SOX6: variants seen among roughly 807,000 people sequenced by gnomAD.
SOX6 encodes the protein SRY-box transcription factor 6.
A neutral mutation model predicts 97.8 loss-of-function variants in SOX6; 11 were observed. That is an observed-to-expected ratio of 0.11 (90% CI 0.07 to 0.19). The LOEUF is 0.19. Among genes scored for constraint, SOX6 ranks in the 10% least tolerant of loss-of-function variants. The pLI is 1.00. For synonymous variants in SOX6, 360 were observed against 371.4 expected (o/e 0.97, Z 0.35); for missense variants, 810 against 1,039.5 (o/e 0.78, Z 3.04).
chr11:16,266,717 G>C (rs950489368), intron 3 of SOX6, among the ~76,000 whole-genome samples: 7 of 151,384 alleles, frequency 4.6e-5, no homozygotes, highest in South Asian at 2.1e-4. Context: ...CTTGAAGGTG[G>C]ACTGTAAGTT....
intron 6 of SOX6, among the ~76,000 whole-genome samples, chr11:16,173,690 A>G (rs1851102653): frequency 6.6e-6 from 1 of 151,208 alleles, no homozygotes; most frequent in South Asian, 2.1e-4. Flanking sequence ...AAGAAAAATT[A>G]CTAGAAAAGA....
chr11:16,373,913 A>C (rs1335648028), intron 1 of SOX6, among the ~76,000 whole-genome samples: 1 of 119,436 alleles, frequency 8.4e-6, no homozygotes, highest in Admixed American at 9.2e-5. Flanking sequence ...GGGAGGGAGA[A>C]GGGGAAGGGA....
chr11:16,332,861 TA>T (rs1856349146), intron 2 of SOX6, among the ~76,000 whole-genome samples: 1 of 152,342 alleles, frequency 6.6e-6, no homozygotes, highest in South Asian at 2.1e-4. Context: ...GCTCTTCTTT[TA>T]AAAGGTTATG....
chr11:16,012,925 G>T (rs186409851), intron 13 of SOX6, among the ~76,000 whole-genome samples: 7 of 152,054 alleles, frequency 4.6e-5, no homozygotes, highest in East Asian at 3.9e-4. Context: ...CAGGGAAATT[G>T]GTTTCAATCT....
At chr11:16,447,629 A>G (rs1208368370) in intron 1 of SOX6, among the ~76,000 whole-genome samples, 2 of 152,148 alleles carry the variant, frequency 1.3e-5, no homozygotes, top group East Asian at 3.8e-4. Context: ...TATCTTCCTA[A>G]TGATTTTATT....
intron 4 of SOX6, among the ~76,000 whole-genome samples, chr11:16,232,121 T>C (rs958072411): frequency 6.6e-6 from 1 of 151,872 alleles, no homozygotes; most frequent in Non-Finnish European, 1.5e-5. Flanking sequence ...CCCATGATTG[T>C]ATGTATTCCT....
chr11:16,037,839 G>C (rs574903919), intron 12 of SOX6, among the ~76,000 whole-genome samples: 4 of 152,174 alleles, frequency 2.6e-5, no homozygotes, highest in Middle Eastern at 3.4e-3. Flanking sequence ...ACCTACAATG[G>C]CTGGCAATTA....
At chr11:16,241,953 T>C (rs1853207716) in intron 3 of SOX6, among the ~76,000 whole-genome samples, 1 of 152,086 alleles carries the variant, frequency 6.6e-6, no homozygotes, top group Non-Finnish European at 1.5e-5. Context: ...CTTTTGGTAA[T>C]GTAAGCCAAT....
chr11:16,682,180 T>C (rs1259434418), intron 3 of SOX6, among the ~76,000 whole-genome samples: 1 of 152,172 alleles, frequency 6.6e-6, no homozygotes, highest in Non-Finnish European at 1.5e-5. Context: ...TTTAGGCCAA[T>C]ATCCCTGATG....
chr11:16,413,200 CA>C (rs1164326300), intron 1 of SOX6, among the ~76,000 whole-genome samples: 34 of 152,086 alleles, frequency 2.2e-4, no homozygotes, highest in African/African-American at 7.2e-4. Flanking sequence ...AAAAGGGGGA[CA>C]AAAAACACGA....
chr11:16,107,752 A>C (rs868322582), intron 7 of SOX6, among the ~76,000 whole-genome samples: 63 of 152,230 alleles, frequency 4.1e-4, no homozygotes, highest in Middle Eastern at 6.8e-3. Flanking sequence ...TATTAACGCC[A>C]CTGAGTTATA....
chr11:16,174,610 C>T (rs1006559417), intron 6 of SOX6, among the ~76,000 whole-genome samples: 2 of 151,768 alleles, frequency 1.3e-5, no homozygotes, highest in Non-Finnish European at 2.9e-5. Flanking sequence ...ATTTTTATTT[C>T]CCATCTCTCA....
chr11:16,018,274 T>C (rs372684170), intron 12 of SOX6, among the ~76,000 whole-genome samples: 3 of 152,106 alleles, frequency 2.0e-5, no homozygotes, highest in South Asian at 4.1e-4. Context: ...TTATTATCCC[T>C]AATTTCCAGA....
chr11:16,681,168 A>C (rs997346936), intron 3 of SOX6, among the ~76,000 whole-genome samples: 6 of 152,336 alleles, frequency 3.9e-5, no homozygotes, highest in Admixed American at 6.5e-5. Flanking sequence ...TCTTCTCAGC[A>C]CCACATCACA....
chr11:16,647,520 C>T (rs984814922), intron 3 of SOX6, among the ~76,000 whole-genome samples: 3 of 152,212 alleles, frequency 2.0e-5, no homozygotes, highest in Non-Finnish European at 4.4e-5. Flanking sequence ...TAACGTGCAG[C>T]TCCCACATGG....
intron 9 of SOX6, among the ~76,000 whole-genome samples, chr11:16,061,337 GA>G (rs1237813730): frequency 2.1e-5 from 3 of 145,460 alleles, no homozygotes; most frequent in Admixed American, 6.9e-5. Context: ...TTTAAACAAA[GA>G]GGTGAAAAAT....
At chr11:16,474,531 G>A (rs1465668275) in intron 1 of SOX6, among the ~76,000 whole-genome samples, 1 of 152,164 alleles carries the variant, frequency 6.6e-6, no homozygotes, top group Non-Finnish European at 1.5e-5. Context: ...CTCCATCTGA[G>A]CTCTTGATGG....
chr11:16,106,060 A>G (rs892098510), intron 7 of SOX6, among the ~76,000 whole-genome samples: 1 of 152,132 alleles, frequency 6.6e-6, no homozygotes, highest in Non-Finnish European at 1.5e-5. Context: ...AAGATGACAT[A>G]AATAAATGGA....
rs138409544 is a variant in SOX6 at position 16,696,877 on chromosome 11, C to T, written n.429+17953G>A. Among the ~76,000 whole-genome samples the T allele has an allele frequency of 3.0e-4, 45 of 152,278 alleles. No individual in the cohort carries two copies. In the East Asian group the frequency reaches 7.7e-3, roughly 26 times the overall value. On this transcript the variant is annotated intron_variant and non_coding_transcript_variant, in intron 3 of 5. Coordinates refer to the SOX6 transcript ENST00000524520. Reference sequence around the variant, plus strand: ...AAAGATTTCTTTGTAGCAAGTGATGCTATCTGATAGCATTTTAACCACAGA... The same window carrying T: ...AAAGATTTCTTTGTAGCAAGTGATGTTATCTGATAGCATTTTAACCACAGA...
Sources: gnomAD v4.1 joint callset for allele counts (sites outside exome capture counted in the v4.1 genomes callset) on GRCh38, gnomAD v4.1.1 for gene constraint, MANE v1.5 for transcripts, NCBI Gene and HGNC (gene_info 2026-07-23, HGNC 2026-07-21) for gene names.